DYM: variants seen among roughly 807,000 people sequenced by gnomAD.
DYM encodes the protein dyggve-Melchior-Clausen syndrome protein.
Under a neutral mutation model 93.1 loss-of-function variants are expected in DYM, and 78 were observed. The observed-to-expected ratio is 0.84, with a 90% confidence interval of 0.70 to 1.01. DYM has a LOEUF of 1.01. Ranked by LOEUF, DYM falls within the 50% of genes least tolerant of loss-of-function variation. The pLI is 0.00. For missense variants in DYM, 789 were observed against 845.0 expected, an observed-to-expected ratio of 0.93 and a Z score of 0.82; for synonymous variants, 321 against 319.7, an observed-to-expected ratio of 1.00 and a Z score of -0.04.
chr18:49,309,948 G>A (rs2061492219), intron 8 of DYM, among the ~76,000 whole-genome samples: 1 of 152,124 alleles, frequency 6.6e-6, no homozygotes. Flanking sequence ...CTATCACAGG[G>A]ACAACATAAT....
chr18:49,153,575 A>C (rs992098546), intron 15 of DYM, among the ~76,000 whole-genome samples: 1 of 152,224 alleles, frequency 6.6e-6, no homozygotes, highest in Non-Finnish European at 1.5e-5. Context: ...AACATGAAAG[A>C]GCTCCCAATG....
At chr18:49,274,677 G>A (rs1344108358) in intron 10 of DYM, among the ~76,000 whole-genome samples, 1 of 152,064 alleles carries the variant, frequency 6.6e-6, no homozygotes, top group Non-Finnish European at 1.5e-5. Context: ...GCATCACAGT[G>A]GGAGTAAAGT....
chr18:49,424,189 C>CACA (rs925021245), intron 2 of DYM, among the ~76,000 whole-genome samples: 11 of 152,132 alleles, frequency 7.2e-5, no homozygotes, highest in Admixed American at 2.6e-4. Context: ...CATCAAAAAG[C>CACA]TTATCCACCA....
chr18:49,222,127 A>G (rs1474050407), intron 13 of DYM, among the ~76,000 whole-genome samples: 1 of 152,046 alleles, frequency 6.6e-6, no homozygotes, highest in African/African-American at 2.4e-5. Context: ...AACTTCATTC[A>G]CTTACTTAAA....
intron 14 of DYM, among the ~76,000 whole-genome samples, chr18:49,198,928 C>T (rs1308869173): frequency 2.0e-5 from 3 of 151,696 alleles, no homozygotes; most frequent in African/African-American, 7.3e-5. Flanking sequence ...CACATGCACA[C>T]GTATGTTTAT....
At chr18:49,301,601 A>G (rs563565775) in intron 8 of DYM, among the ~76,000 whole-genome samples, 1 of 152,178 alleles carries the variant, frequency 6.6e-6, no homozygotes, top group African/African-American at 2.4e-5. Flanking sequence ...TGAAATATGC[A>G]AATAGGAGTG....
At chr18:49,147,413 T>G (rs1267755949) in intron 15 of DYM, among the ~76,000 whole-genome samples, 1 of 151,994 alleles carries the variant, frequency 6.6e-6, no homozygotes, top group African/African-American at 2.4e-5. Flanking sequence ...ACAGGCAACC[T>G]AGAGAATGGG....
intron 14 of DYM, among the ~76,000 whole-genome samples, chr18:49,197,822 T>C (rs2091615499): frequency 6.6e-6 from 1 of 152,124 alleles, no homozygotes; most frequent in South Asian, 2.1e-4. Context: ...AATTTAAAGA[T>C]TCAATGCCAT....
chr18:49,404,072 A>G (rs1568385690), intron 2 of DYM, among the ~76,000 whole-genome samples: 1 of 152,088 alleles, frequency 6.6e-6, no homozygotes, highest in Non-Finnish European at 1.5e-5. Context: ...CAATGGCACA[A>G]TCTCGGCTCA....
chr18:49,158,314 C>T (rs185870456), intron 15 of DYM, among the ~76,000 whole-genome samples: 65 of 152,286 alleles, frequency 4.3e-4, no homozygotes, highest in Admixed American at 9.8e-4. Flanking sequence ...ATGCCTTCTT[C>T]ATTTTTACCT....
intron 8 of DYM, among the ~76,000 whole-genome samples, chr18:49,319,291 A>G (rs2062285618): frequency 6.6e-6 from 1 of 152,222 alleles, no homozygotes. Context: ...AAATGTTAAT[A>G]GGCCTGAAAA....
chr18:49,105,182 A>G (rs1362255998), intron 16 of DYM, among the ~76,000 whole-genome samples: 1 of 152,140 alleles, frequency 6.6e-6, no homozygotes, highest in African/African-American at 2.4e-5. Flanking sequence ...TAGATTTTCT[A>G]GTTTATTTGC....
intron 14 of DYM, among the ~76,000 whole-genome samples, chr18:49,182,340 T>C (rs530703529): frequency 6.6e-6 from 1 of 152,292 alleles, no homozygotes; most frequent in South Asian, 2.1e-4. Flanking sequence ...TCTTCCACAC[T>C]CTTACTCATT....
chr18:49,106,029 T>C (rs1001923791), intron 16 of DYM, among the ~76,000 whole-genome samples: 13 of 152,188 alleles, frequency 8.5e-5, no homozygotes, highest in Non-Finnish European at 4.4e-5. Flanking sequence ...CCCATTATTA[T>C]TGTGTGGGAG....
chr18:49,435,423 T>TAAAA (rs58887917), intron 1 of DYM, among the ~76,000 whole-genome samples: 10 of 124,764 alleles, frequency 8.0e-5, no homozygotes, highest in Non-Finnish European at 1.4e-4. Context: ...ACTAAAACAG[T>TAAAA]AAAAAAAAAA....
chr18:49,350,379 C>G (rs79525485), intron 6 of DYM, among the ~76,000 whole-genome samples: 12,851 of 152,166 alleles, frequency 0.084, 661 homozygotes, highest in East Asian at 0.18. Flanking sequence ...AAGCAACTTA[C>G]AGAATAGTCT....
rs1447474783 is a variant in DYM at position 49,039,295 on chromosome 18, T to C, written c.*4760A>G. ...CAGTCTAATATTATTGCTCCTTTAA[T>C]GGTTATATTCCCTCTCCCACCCCAG... is the stretch of plus-strand genomic sequence containing the variant. On this transcript the variant is annotated 3_prime_UTR_variant, in exon 18 of 18. Coordinates refer to ENST00000675505, the MANE Select transcript of DYM (RefSeq NM_001353214.3). Among the ~76,000 whole-genome samples the C allele has an allele frequency of 2.0e-5, 3 of 152,228 alleles. No homozygotes were observed. The highest frequency in any genetic ancestry group is 7.2e-5 in the African/African-American group (3 of 41,458).
At chr18:49,081,041 C>T (rs1454868001) in intron 17 of DYM, among the ~76,000 whole-genome samples, 3 of 149,962 alleles carry the variant, frequency 2.0e-5, no homozygotes, top group Non-Finnish European at 4.4e-5. Context: ...GGCAGAGGGG[C>T]TCCTCACGTC....
At chr18:49,205,632 T>C (rs1300098675) in intron 14 of DYM, among the ~76,000 whole-genome samples, 1 of 152,162 alleles carries the variant, frequency 6.6e-6, no homozygotes, top group African/African-American at 2.4e-5. Flanking sequence ...TCATCGGCTG[T>C]CAGGAATGGT....
Sources: gnomAD v4.1 joint callset for allele counts (sites outside exome capture counted in the v4.1 genomes callset) on GRCh38, gnomAD v4.1.1 for gene constraint, MANE v1.5 for transcripts, NCBI Gene and HGNC (gene_info 2026-07-23, HGNC 2026-07-21) for gene names.